The following PXDN variants were observed in gnomAD, a reference collection of about 807,000 sequenced individuals.
PXDN encodes peroxidasin.
A neutral mutation model predicts 140.3 loss-of-function variants in PXDN; 77 were observed. The observed-to-expected ratio is 0.55, with a 90% CI of 0.46 to 0.66. PXDN has a LOEUF of 0.66. Ranked by LOEUF, PXDN falls within the 30% of genes least tolerant of loss-of-function variation. The probability of loss-of-function intolerance (pLI) is 0.00; values close to 1 mark genes in which losing one functional copy is unlikely to be tolerated. For missense variants in PXDN, 1,838 were observed against 2,039.5 expected (o/e 0.90, Z 1.90); for synonymous variants, 911 against 857.4 (o/e 1.06, Z -1.09).
At chr2:1,686,937 T>C (rs1370732574) in intron 4 of PXDN, among the ~76,000 whole-genome samples, 8 of 152,104 alleles carry the variant, frequency 5.3e-5, no homozygotes, top group African/African-American at 9.7e-5. Flanking sequence ...CCGTGACAAA[T>C]TGCAGCTCCT....
At chr2:1,665,171 C>T (rs1446921953) in intron 10 of PXDN, 97 bp from the exon 11 acceptor site, 3 of 872,334 alleles carry the variant, frequency 3.4e-6, no homozygotes, top group Admixed American at 2.0e-5. Context: ...AGACGTCTGA[C>T]CATTAGGAGC....
chr2:1,645,927 C>T (rs1682841341), intron 17 of PXDN: 1 of 152,300 alleles, frequency 6.6e-6, no homozygotes, highest in Non-Finnish European at 1.5e-5. Flanking sequence ...TCACCAGAGT[C>T]TAAAGCCTCC....
chr2:1,710,840 A>G (rs1434493673), intron 1 of PXDN, among the ~76,000 whole-genome samples: 13 of 14,554 alleles, frequency 8.9e-4, no homozygotes, highest in East Asian at 0.011. Context: ...ACCAGCACCC[A>G]CTCCACCAGC....
intron 19 of PXDN, among the ~76,000 whole-genome samples, chr2:1,643,057 C>A (rs1051972085): frequency 6.6e-6 from 1 of 152,184 alleles, no homozygotes; most frequent in East Asian, 1.9e-4. Flanking sequence ...GGAAGCTAGA[C>A]ATACATTAGG....
At position 1,662,095 on chromosome 2, in the gene PXDN, C is replaced by T. The variant is rs755097189; in HGVS notation, c.1657G>A (p.Glu553Lys). 13 of 1,594,666 alleles carry T rather than the reference C, an allele frequency of 8.2e-6. No homozygotes were observed. The highest frequency in any genetic ancestry group is 6.8e-5 in the East Asian group (3 of 44,102). ...QLPCSSQGEPEPAITWNKDGV... is the reference protein window; with the variant it reads ...QLPCSSQGEPKPAITWNKDGV... The stretch of plus-strand genomic sequence containing the variant: ...ACCTTGTTCCAGGTGATGGCTGGCT[C>T]GGGCTCGCCCTGGGAGCTGCACGGG... The change falls in exon 13 of 23, where the codon GAG becomes AAG. Residue 553 changes from glutamate (E) to lysine (K), a missense_variant. Coordinates refer to ENST00000252804, the MANE Select transcript of PXDN (RefSeq NM_012293.3).
chr2:1,654,517 A>G lies in PXDN; in HGVS notation c.1838-9T>C. ...TCGACTGACGTCAGGAACTAGGAAA[A>G]TACAAAGTCGCGTATTACCAGGAAA... On this transcript the variant is annotated splice_polypyrimidine_tract_variant and intron_variant, in intron 14 of 22. Transcript: ENST00000252804. 2 of 1,596,698 alleles carry G rather than the reference A, an allele frequency of 1.3e-6. No individual in the cohort carries two copies. The highest frequency in any genetic ancestry group is 1.7e-6 in the Non-Finnish European group (2 of 1,164,366).
chr2:1,728,002 C>A (rs1391206099), intron 1 of PXDN, among the ~76,000 whole-genome samples: 2 of 152,196 alleles, frequency 1.3e-5, no homozygotes, highest in Non-Finnish European at 2.9e-5. Context: ...GTGATGCAAT[C>A]ACAGCTCACT....
chr2:1,661,987 C>T, intron 13 of PXDN, 85 bp downstream of exon 13: 1 of 1,271,678 alleles, frequency 7.9e-7, no homozygotes. Flanking sequence ...GTCCGCCTAC[C>T]TTGCTCCAGG....
intron 17 of PXDN, among the ~76,000 whole-genome samples, chr2:1,647,390 G>A (rs200165922): frequency 2.6e-5 from 4 of 152,182 alleles, no homozygotes; most frequent in Admixed American, 1.3e-4. Context: ...CTATGGACCC[G>A]GCAGCCCTGA....
Position 1,732,046 on chromosome 2 carries a change from T to C in PXDN, c.200+12210A>G, listed in dbSNP as rs562030344. On this transcript the variant is annotated intron_variant, in intron 1 of 22. Coordinates refer to ENST00000252804, the MANE Select transcript of PXDN (RefSeq NM_012293.3). ...TCTGCTTTAGAACAAGATGGGATTA[T>C]AGGGGCAAGACTTTCTCTTCTGTCT... Among the ~76,000 whole-genome samples, 6 of 152,282 alleles carry C rather than the reference T, an allele frequency of 3.9e-5. No homozygotes were observed. The East Asian group carries it at 5.8e-4, about 15-fold the overall frequency.
intron 1 of PXDN, among the ~76,000 whole-genome samples, chr2:1,705,283 CA>C (rs1221719538): frequency 6.6e-6 from 1 of 152,182 alleles, no homozygotes; most frequent in Non-Finnish European, 1.5e-5. Flanking sequence ...ACACTCCCTC[CA>C]TGAAGGCTGG....
chr2:1,668,093 C>A (rs887631745), intron 9 of PXDN, among the ~76,000 whole-genome samples: 1 of 152,134 alleles, frequency 6.6e-6, no homozygotes, highest in African/African-American at 2.4e-5. Flanking sequence ...GATAGTGCTA[C>A]CGAAACAGAG....
chr2:1,731,148 G>GCA (rs1553371229), intron 1 of PXDN, among the ~76,000 whole-genome samples: 1 of 44,290 alleles, frequency 2.3e-5, no homozygotes, highest in Non-Finnish European at 4.8e-5. Flanking sequence ...TTGAGAGCGC[G>GCA]CGCGCACACA....
At chr2:1,735,266 C>T (rs1685404461) in intron 1 of PXDN, among the ~76,000 whole-genome samples, 1 of 152,152 alleles carries the variant, frequency 6.6e-6, no homozygotes, top group Non-Finnish European at 1.5e-5. Context: ...GTTTTGACCC[C>T]CCCATGAATC....
Position 1,632,072 on chromosome 2 carries a change from A to G in PXDN, c.*2132T>C, listed in dbSNP as rs1012959871. On this transcript the variant is annotated 3_prime_UTR_variant, in exon 23 of 23. Transcript: ENST00000252804. This position sits in a 1 kb window ranked among gnomAD's most constrained non-coding sequence, Gnocchi z 4.3. ...AGCGATCCCGCACAGTGGCTGCTAG[A>G]CACGTTCACCCAGGCACTGCCCACT... The G allele has an allele frequency of 2.0e-5, 3 of 152,612 alleles. No homozygotes were observed. The highest frequency in any genetic ancestry group is 7.2e-5 in the African/African-American group (3 of 41,460). 9.5% of individuals were successfully genotyped at this position (152,612 alleles called of 1,614,324 possible). A position where few individuals can be genotyped will look rare whatever the true frequency, so the allele number is the denominator to read the frequency against.
intron 1 of PXDN, among the ~76,000 whole-genome samples, chr2:1,705,673 G>C (rs1684583573): frequency 6.9e-6 from 1 of 143,960 alleles, no homozygotes; most frequent in Non-Finnish European, 1.5e-5. Context: ...AGGGTGCAGA[G>C]TGCAGGGTGC....
intron 1 of PXDN, among the ~76,000 whole-genome samples, chr2:1,694,509 C>A (rs1054096086): frequency 2.0e-5 from 3 of 152,110 alleles, no homozygotes; most frequent in Non-Finnish European, 4.4e-5. Context: ...GGAAGGCGGC[C>A]CCCCTCTGCC....
intron 1 of PXDN, among the ~76,000 whole-genome samples, chr2:1,720,714 TCTCTCTCTCTCACA>T (rs1685026860): frequency 1.9e-5 from 1 of 53,836 alleles, no homozygotes; most frequent in South Asian, 8.7e-4. Flanking sequence ...TCTTTCTCTC[TCTCTCTCTCTCACA>T]CACACACACA....
chr2:1,679,146 G>A (rs964954683), intron 7 of PXDN, among the ~76,000 whole-genome samples: 4 of 150,414 alleles, frequency 2.7e-5, no homozygotes, highest in African/African-American at 9.8e-5. Context: ...TGTGGATGGT[G>A]TGTGCATGTG....
Sources: allele counts gnomAD v4.1 joint callset (sites outside exome capture counted in the v4.1 genomes callset), GRCh38; gene constraint gnomAD v4.1.1; non-coding constraint Gnocchi (gnomAD v3.1); transcripts MANE v1.5; gene names NCBI Gene and HGNC (gene_info 2026-07-23, HGNC 2026-07-21).